The following BICC1 variants were observed in gnomAD, a reference collection of about 807,000 sequenced individuals.
BICC1 encodes the protein BicC family RNA binding protein 1.
BICC1 carries 43 observed loss-of-function variants against 111.0 expected under a neutral mutation model. The observed-to-expected ratio is 0.39, with a 90% confidence interval of 0.30 to 0.50. The LOEUF (loss-of-function observed/expected upper bound fraction) is 0.50, where lower values mean the gene tolerates loss of function less well. BICC1 is among the 20% of genes least tolerant of loss of function. BICC1 has a pLI of 0.88. For missense variants in BICC1, 1,091 were observed against 1,203.2 expected (o/e 0.91, Z 1.38); for synonymous variants, 467 against 434.4 (o/e 1.07, Z -0.93).
At chr10:58,711,513 A>G (rs1018091209) in intron 3 of BICC1, among the ~76,000 whole-genome samples, 1 of 152,182 alleles carries the variant, frequency 6.6e-6, no homozygotes, top group African/African-American at 2.4e-5. Context: ...ACTCACAGAC[A>G]TACAGCGCAC....
At chr10:58,603,354 T>G (rs1845104674) in intron 1 of BICC1, among the ~76,000 whole-genome samples, 1 of 152,200 alleles carries the variant, frequency 6.6e-6, no homozygotes, top group Admixed American at 6.5e-5. Context: ...ATTCCAGTGG[T>G]GTCACAATGC....
intron 20 of BICC1, among the ~76,000 whole-genome samples, chr10:58,826,780 A>G (rs562835343): frequency 6.6e-6 from 1 of 152,264 alleles, no homozygotes; most frequent in Non-Finnish European, 1.5e-5. Context: ...AAGAAAGAGA[A>G]ACAAACACCC....
intron 2 of BICC1, among the ~76,000 whole-genome samples, chr10:58,658,164 C>G (rs1838720673): frequency 6.6e-6 from 1 of 152,106 alleles, no homozygotes; most frequent in Non-Finnish European, 1.5e-5. Context: ...AAGTCTTCAC[C>G]TACAAGCCGG....
At chr10:58,747,581 A>G (rs1441974706) in intron 3 of BICC1, among the ~76,000 whole-genome samples, 2 of 152,132 alleles carry the variant, frequency 1.3e-5, no homozygotes, top group African/African-American at 2.4e-5. Context: ...TAACATGTCT[A>G]TCACTTCATT....
At position 58,789,441 on chromosome 10, in the gene BICC1, C is replaced by T; in HGVS notation, c.780C>T (p.Asn260=). 1 of 1,613,052 alleles carries T rather than the reference C, an allele frequency of 6.2e-7. No individual in the cohort carries two copies. The highest frequency in any genetic ancestry group is 8.5e-7 in the Non-Finnish European group (1 of 1,179,370). The change falls in exon 7 of 21, where the codon AAC becomes AAT. Residue 260 remains asparagine, a synonymous_variant. Coordinates refer to ENST00000373886, the MANE Select transcript of BICC1 (RefSeq NM_001080512.3). ...TCATAGTACGAGGGTCTCAGAATAA[C>T]ACTAGTGCTGTGAAGGTAAATTATT... ...ATVIVRGSQN[N]TSAVKEGTAM...
At chr10:58,728,836 G>C (rs1841196235) in intron 3 of BICC1, among the ~76,000 whole-genome samples, 1 of 151,966 alleles carries the variant, frequency 6.6e-6, no homozygotes, top group Non-Finnish European at 1.5e-5. Context: ...TTTGTGACCA[G>C]GTGCATTGTC....
At chr10:58,813,281 T>G (rs1034063727) in intron 17 of BICC1, among the ~76,000 whole-genome samples, 1 of 152,124 alleles carries the variant, frequency 6.6e-6, no homozygotes, top group Non-Finnish European at 1.5e-5. Flanking sequence ...TGTGGAGAAT[T>G]TAAAGAGATA....
At chr10:58,682,263 A>C (rs1162641829) in intron 2 of BICC1, among the ~76,000 whole-genome samples, 1 of 152,070 alleles carries the variant, frequency 6.6e-6, no homozygotes, top group Non-Finnish European at 1.5e-5. Flanking sequence ...AATCCAGTCT[A>C]TCATTGATGA....
At chr10:58,639,320 C>T (rs1030674247) in intron 2 of BICC1, among the ~76,000 whole-genome samples, 1 of 152,000 alleles carries the variant, frequency 6.6e-6, no homozygotes, top group African/African-American at 2.4e-5. Flanking sequence ...TTTATATTTG[C>T]CAAAGCTTTT....
At chr10:58,716,691 A>AATGAATCTT (rs1564571347) in intron 3 of BICC1, among the ~76,000 whole-genome samples, 8 of 151,842 alleles carry the variant, frequency 5.3e-5, no homozygotes, top group African/African-American at 1.9e-4. Flanking sequence ...TTACATTAAT[A>AATGAATCTT]TTTCAAAACC....
chr10:58,601,168 A>ATATC (rs1189949050), intron 1 of BICC1, among the ~76,000 whole-genome samples: 6 of 139,352 alleles, frequency 4.3e-5, no homozygotes, highest in African/African-American at 1.6e-4. Context: ...ATATATATAT[A>ATATC]TATCTCCCAA....
intron 20 of BICC1, among the ~76,000 whole-genome samples, chr10:58,825,838 G>C (rs901619398): frequency 1.3e-5 from 2 of 152,076 alleles, no homozygotes; most frequent in African/African-American, 4.8e-5. Flanking sequence ...TAACACCGTA[G>C]GACCCACATA....
chr10:58,602,015 G>A (rs1845058583), intron 1 of BICC1, among the ~76,000 whole-genome samples: 1 of 152,084 alleles, frequency 6.6e-6, no homozygotes, highest in African/African-American at 2.4e-5. Flanking sequence ...CTATTAAAGA[G>A]AATAAACTTT....
intron 1 of BICC1, among the ~76,000 whole-genome samples, chr10:58,581,595 G>A (rs1196194768): frequency 6.6e-6 from 1 of 152,172 alleles, no homozygotes; most frequent in Non-Finnish European, 1.5e-5. Flanking sequence ...ATTGATAGAT[G>A]TTGGTTATTT....
intron 1 of BICC1, among the ~76,000 whole-genome samples, chr10:58,588,349 G>C (rs886081651): frequency 6.6e-6 from 1 of 152,204 alleles, no homozygotes; most frequent in African/African-American, 2.4e-5. Flanking sequence ...TGGGAGCAGA[G>C]GTGCTGGCGG....
intron 3 of BICC1, among the ~76,000 whole-genome samples, chr10:58,751,579 G>A (rs753295214): frequency 1.1e-4 from 16 of 152,052 alleles, no homozygotes; most frequent in Non-Finnish European, 2.2e-4. Flanking sequence ...TATCTGTTGA[G>A]ATGCAAAATA....
chr10:58,607,117 G>A (rs987230887), intron 1 of BICC1, among the ~76,000 whole-genome samples: 1 of 151,966 alleles, frequency 6.6e-6, no homozygotes, highest in Non-Finnish European at 1.5e-5. Flanking sequence ...GGGAGTTTGC[G>A]ACCAGCCTGC....
chr10:58,653,539 C>T (rs991664181), intron 2 of BICC1, among the ~76,000 whole-genome samples: 3 of 152,116 alleles, frequency 2.0e-5, no homozygotes, highest in African/African-American at 7.2e-5. Context: ...TTCAGCATTT[C>T]TTCAAAATAT....
Position 58,793,616 on chromosome 10 carries a change from G to T in BICC1, c.1179+1G>T. ...ACCAAAGCCCAAACAGCCAAGCAAG[G>T]TTGGTTCAGAGTCTGAATCCAGAGA... is the stretch of plus-strand genomic sequence containing the variant. On this transcript the variant is annotated splice_donor_variant, in intron 9 of 20. Coordinates refer to ENST00000373886, the MANE Select transcript of BICC1 (RefSeq NM_001080512.3). LOFTEE classifies it high-confidence loss of function. 2 of 1,613,548 alleles carry T rather than the reference G, an allele frequency of 1.2e-6. No homozygotes were observed. The highest frequency in any genetic ancestry group is 1.7e-6 in the Non-Finnish European group (2 of 1,179,792).
Sources: gnomAD v4.1 joint callset for allele counts (sites outside exome capture counted in the v4.1 genomes callset) on GRCh38, gnomAD v4.1.1 for gene constraint, MANE v1.5 for transcripts, NCBI Gene and HGNC (gene_info 2026-07-23, HGNC 2026-07-21) for gene names.